The following ACER1 variants were observed in gnomAD, a reference collection of about 807,000 sequenced individuals.
ACER1 encodes CTB-180A7.3.
Under a neutral mutation model 24.9 loss-of-function variants are expected in ACER1, and 28 were observed. That is an observed-to-expected ratio of 1.13 (90% CI 0.83 to 1.54). ACER1 has a LOEUF of 1.54. ACER1 is among the 40% of genes most tolerant of loss of function. ACER1 has a pLI of 0.00. For synonymous variants in ACER1, 132 were observed against 131.4 expected, an observed-to-expected ratio of 1.00 and a Z score of -0.03; for missense variants, 352 against 349.3, an observed-to-expected ratio of 1.01 and a Z score of -0.06.
chr19:6,330,278 G>A (rs984504233), intron 1 of ACER1, among the ~76,000 whole-genome samples: 2 of 149,006 alleles, frequency 1.3e-5, no homozygotes, highest in Non-Finnish European at 3.0e-5. Context: ...AGTGATTGTC[G>A]TGCCTCAGCC....
At chr19:6,348,995 G>C in the ACER1 span, among the ~76,000 whole-genome samples, 86 of 152,022 alleles carry the variant, frequency 5.7e-4, no homozygotes, top group African/African-American at 2.0e-3. Context: ...GGCGCGGGTT[G>C]CAGTGAGCTG....
At chr19:6,316,586 G>A (rs932109161) in intron 1 of ACER1, among the ~76,000 whole-genome samples, 1 of 151,686 alleles carries the variant, frequency 6.6e-6, no homozygotes, top group Non-Finnish European at 1.5e-5. Context: ...TTTGGGAGGT[G>A]GAGGTGAGTG....
intron 1 of ACER1, among the ~76,000 whole-genome samples, chr19:6,314,248 T>G (rs983297411): frequency 3.3e-5 from 5 of 151,996 alleles, no homozygotes. Flanking sequence ...GGCAGGCAGA[T>G]CACTTGAGGT....
At chr19:6,353,090 G>A in the ACER1 span, among the ~76,000 whole-genome samples, 6 of 152,076 alleles carry the variant, frequency 3.9e-5, no homozygotes, top group Admixed American at 1.3e-4. Context: ...CCAAGAGGCC[G>A]AGGCAGGTGT....
chr19:6,354,562 CTT>C, the ACER1 span, among the ~76,000 whole-genome samples: 2 of 152,146 alleles, frequency 1.3e-5, no homozygotes, highest in Admixed American at 1.3e-4. Flanking sequence ...TTTTATAAGA[CTT>C]TTGTATTTTT....
At chr19:6,337,675 T>TTTTTC (rs2091720462), upstream of ACER1, among the ~76,000 whole-genome samples, 1 of 85,016 alleles carries the variant, frequency 1.2e-5, no homozygotes, top group African/African-American at 5.0e-5. Context: ...TTTTTTTTTT[T>TTTTTC]TTTTTTTTTT....
intron 1 of ACER1, among the ~76,000 whole-genome samples, chr19:6,316,261 C>G (rs1160430131): frequency 6.6e-6 from 1 of 151,630 alleles, no homozygotes; most frequent in Non-Finnish European, 1.5e-5. Flanking sequence ...TAGTGAGACC[C>G]CACCTCCATA....
the ACER1 span, among the ~76,000 whole-genome samples, chr19:6,351,098 G>A: frequency 6.6e-6 from 1 of 152,150 alleles, no homozygotes; most frequent in African/African-American, 2.4e-5. Flanking sequence ...CGGGTGTGGT[G>A]GCTCACGCCT....
the ACER1 span, among the ~76,000 whole-genome samples, chr19:6,351,601 T>C: frequency 1.3e-4 from 20 of 149,940 alleles, no homozygotes; most frequent in Non-Finnish European, 2.5e-4. Flanking sequence ...AGGTGTATTG[T>C]ATGCACATGT....
chr19:6,321,222 G>A (rs978380842), intron 1 of ACER1, among the ~76,000 whole-genome samples: 4 of 151,332 alleles, frequency 2.6e-5, no homozygotes, highest in South Asian at 2.1e-4. Context: ...TGCAACCTCC[G>A]CCTCTTGGGT....
chr19:6,309,100 G>A (rs1349488062), intron 4 of ACER1, among the ~76,000 whole-genome samples: 1 of 152,126 alleles, frequency 6.6e-6, no homozygotes, highest in African/African-American at 2.4e-5. Context: ...TCGGGAGGCT[G>A]AGGCAGGAGA....
chr19:6,311,049 G>T (rs28423680), intron 3 of ACER1, among the ~76,000 whole-genome samples: 2 of 151,700 alleles, frequency 1.3e-5, no homozygotes, highest in African/African-American at 4.8e-5. Flanking sequence ...CTGGGAGAGC[G>T]TGATGGTTTC....
intron 1 of ACER1, among the ~76,000 whole-genome samples, chr19:6,327,646 G>A (rs1482472708): frequency 6.6e-6 from 1 of 151,628 alleles, no homozygotes; most frequent in African/African-American, 2.4e-5. Flanking sequence ...TTGGCCTGTG[G>A]GCAAAGTTCA....
intron 1 of ACER1, among the ~76,000 whole-genome samples, chr19:6,330,381 T>A (rs2091681261): frequency 6.7e-6 from 1 of 148,880 alleles, no homozygotes; most frequent in African/African-American, 2.6e-5. Flanking sequence ...TTGTCCAGGC[T>A]GGTCTCAAAT....
chr19:6,338,548 T>C (rs1366860050), upstream of ACER1, among the ~76,000 whole-genome samples: 1 of 152,236 alleles, frequency 6.6e-6, no homozygotes, highest in Non-Finnish European at 1.5e-5. Context: ...GGGATTCTTC[T>C]ATATTATTAT....
chr19:6,353,972 A>G, the ACER1 span, among the ~76,000 whole-genome samples: 1 of 151,930 alleles, frequency 6.6e-6, no homozygotes, highest in African/African-American at 2.4e-5. Flanking sequence ...ACCTGAGGTC[A>G]GGAGTTTGAG....
At chr19:6,354,810 CCCCTCTCCCTTTCCCCACGGTCT>C in the ACER1 span, among the ~76,000 whole-genome samples, 190 of 134,514 alleles carry the variant, frequency 1.4e-3, no homozygotes, top group African/African-American at 5.8e-3. Context: ...CTCCCTCTCC[CCCCTCTCCCTTTCCCCACGGTCT>C]CCCTCTCCCT....
At chr19:6,307,044 C>T in intron 5 of ACER1, 109 bp downstream of exon 5, 1 of 1,533,140 alleles carries the variant, frequency 6.5e-7, no homozygotes. Flanking sequence ...CAGTGTCTGG[C>T]TCTCCTCTCT....
chr19:6,343,596 G>C, the ACER1 span, among the ~76,000 whole-genome samples: 2 of 151,442 alleles, frequency 1.3e-5, no homozygotes, highest in African/African-American at 4.9e-5. Context: ...CCATCATGTG[G>C]CCCCCACCTC....
Sources: allele counts gnomAD v4.1 joint callset (sites outside exome capture counted in the v4.1 genomes callset), GRCh38; gene constraint gnomAD v4.1.1; transcripts MANE v1.5; gene names NCBI Gene and HGNC (gene_info 2026-07-23, HGNC 2026-07-21).